Variants in GSK3B observed in about 807,000 individuals in gnomAD.
GSK3B encodes glycogen synthase kinase 3 beta.
Under a neutral mutation model 56.4 loss-of-function variants are expected in GSK3B, and 15 were observed. The observed-to-expected ratio is 0.27, with a 90% CI of 0.18 to 0.41. The LOEUF (loss-of-function observed/expected upper bound fraction) is 0.41, where lower values mean the gene tolerates loss of function less well. Ranked by LOEUF, GSK3B falls within the 10% of genes least tolerant of loss-of-function variation. The probability of loss-of-function intolerance (pLI) is 1.00; values close to 1 mark genes in which losing one functional copy is unlikely to be tolerated. For synonymous variants in GSK3B, 181 were observed against 188.9 expected (o/e 0.96, Z 0.34); for missense variants, 300 against 513.4 (o/e 0.58, Z 4.02).
intron 3 of GSK3B, among the ~76,000 whole-genome samples, chr3:119,944,350 G>A (rs535166047): frequency 6.0e-4 from 91 of 151,986 alleles, no homozygotes; most frequent in Non-Finnish European, 1.1e-3. Context: ...TCACCTAAAC[G>A]TCAAAAGAAA....
At chr3:120,004,199 C>T (rs754220305) in intron 1 of GSK3B, among the ~76,000 whole-genome samples, 1 of 152,128 alleles carries the variant, frequency 6.6e-6, no homozygotes, top group Admixed American at 6.6e-5. Flanking sequence ...GGGGGAGGGG[C>T]GTTTGCCATT....
At chr3:119,890,497 G>A (rs2056489673) in intron 7 of GSK3B, among the ~76,000 whole-genome samples, 1 of 152,086 alleles carries the variant, frequency 6.6e-6, no homozygotes, top group Non-Finnish European at 1.5e-5. Flanking sequence ...AAAGGAGAAT[G>A]AACAGGGTGA....
At chr3:119,929,277 A>T (rs2056920169) in intron 3 of GSK3B, among the ~76,000 whole-genome samples, 1 of 152,206 alleles carries the variant, frequency 6.6e-6, no homozygotes, top group Non-Finnish European at 1.5e-5. Context: ...AAGAATGGTG[A>T]GTCTCAGGTA....
intron 3 of GSK3B, among the ~76,000 whole-genome samples, chr3:119,936,857 G>A (rs2057000374): frequency 6.6e-6 from 1 of 151,826 alleles, no homozygotes; most frequent in Admixed American, 6.6e-5. Context: ...TAAGGAAACA[G>A]ATAACTTGAA....
intron 1 of GSK3B, among the ~76,000 whole-genome samples, chr3:120,081,139 T>TTCAG (rs1184744265): frequency 6.6e-6 from 1 of 152,140 alleles, no homozygotes; most frequent in Admixed American, 6.5e-5. Flanking sequence ...AGTCCTTTCT[T>TTCAG]TCAGTCATCC....
Position 119,826,387 on chromosome 3 carries a change from C to CA in GSK3B, c.*400dup. On this transcript the variant is annotated 3_prime_UTR_variant, in exon 11 of 11. Coordinates refer to ENST00000264235, the MANE Select transcript of GSK3B (RefSeq NM_001146156.2). ...TCTCACACTAGACTTTAAAAGAAAA[C>CA]AAAGTTCAAAAAAACCCATCAGCAC... is the stretch of plus-strand genomic sequence containing the variant. The CA allele has an allele frequency of 2.4e-6, 1 of 414,590 alleles. No individual in the cohort carries two copies. The highest frequency in any genetic ancestry group is 4.5e-6 in the Non-Finnish European group (1 of 223,974). 25.7% of individuals were successfully genotyped at this position (414,590 alleles called of 1,614,324 possible). A position where few individuals can be genotyped will look rare whatever the true frequency, so the allele number is the denominator to read the frequency against.
At chr3:120,045,326 T>C (rs755211102) in intron 1 of GSK3B, among the ~76,000 whole-genome samples, 1 of 152,216 alleles carries the variant, frequency 6.6e-6, no homozygotes, top group Admixed American at 6.5e-5. Flanking sequence ...TTGTCCTCCA[T>C]GCCTCCTTGC....
At position 119,987,687 on chromosome 3, in the gene GSK3B, T is replaced by C. The variant is rs991533966; in HGVS notation, c.282+14359A>G. 3.3e-5 allele frequency among the ~76,000 whole-genome samples: 5 copies of C among 152,308 alleles called. No individual in the cohort carries two copies. The East Asian group carries it at 9.6e-4, about 29-fold the overall frequency. Reference sequence around the variant, plus strand: ...AAAAGTCTATAAAAATCTTACCTTATGGTCAGATATTAAAATTGGATAAAT... The same window carrying C: ...AAAAGTCTATAAAAATCTTACCTTACGGTCAGATATTAAAATTGGATAAAT... On this transcript the variant is annotated intron_variant, in intron 2 of 10. Coordinates refer to ENST00000264235, the MANE Select transcript of GSK3B (RefSeq NM_001146156.2).
chr3:119,938,826 C>T (rs2057020697), intron 3 of GSK3B, among the ~76,000 whole-genome samples: 1 of 151,936 alleles, frequency 6.6e-6, no homozygotes, highest in Non-Finnish European at 1.5e-5. Context: ...TGGGCTGAGC[C>T]TATTTTAGCT....
At chr3:119,859,642 T>C (rs985452441) in intron 9 of GSK3B, among the ~76,000 whole-genome samples, 8 of 152,286 alleles carry the variant, frequency 5.3e-5, no homozygotes, top group Non-Finnish European at 7.3e-5. Context: ...TTTCTAACCC[T>C]TTCCTTATTT....
At chr3:119,936,383 G>A (rs1200976232) in intron 3 of GSK3B, among the ~76,000 whole-genome samples, 2 of 146,890 alleles carry the variant, frequency 1.4e-5, no homozygotes, top group South Asian at 2.1e-4. Flanking sequence ...GTCTCGCTCT[G>A]TCACCCAGGC....
chr3:120,005,468 A>C (rs548773785), intron 1 of GSK3B, among the ~76,000 whole-genome samples: 1 of 151,230 alleles, frequency 6.6e-6, no homozygotes, highest in South Asian at 2.1e-4. Context: ...CCCAAGACAC[A>C]TAATTGTCAG....
intron 7 of GSK3B, among the ~76,000 whole-genome samples, chr3:119,883,139 T>C (rs892842143): frequency 4.6e-5 from 7 of 152,208 alleles, no homozygotes; most frequent in African/African-American, 1.7e-4. Context: ...CCACGTTTAA[T>C]TCAACTACTA....
intron 1 of GSK3B, among the ~76,000 whole-genome samples, chr3:120,031,129 G>A (rs1469330925): frequency 2.0e-5 from 3 of 152,168 alleles, no homozygotes; most frequent in Non-Finnish European, 1.5e-5. Context: ...GGACCAAAGT[G>A]CTAAGTATTT....
intron 2 of GSK3B, among the ~76,000 whole-genome samples, chr3:119,953,772 G>A (rs1018541356): frequency 2.0e-5 from 3 of 152,048 alleles, no homozygotes; most frequent in Admixed American, 6.6e-5. Flanking sequence ...GGAATGTGCT[G>A]ACTCTCTCTC....
intron 1 of GSK3B, among the ~76,000 whole-genome samples, chr3:120,005,498 A>T (rs2057718909): frequency 6.6e-6 from 1 of 152,178 alleles, no homozygotes; most frequent in Admixed American, 6.5e-5. Context: ...GGTTTAAATG[A>T]AGGAAAAAAT....
At chr3:119,947,181 A>C in intron 3 of GSK3B, 87 bp downstream of exon 3, 1 of 815,126 alleles carries the variant, frequency 1.2e-6, no homozygotes, top group Middle Eastern at 2.3e-4. Context: ...CCATTAGCAA[A>C]ACTGTCTATG....
At chr3:119,888,880 G>C (rs529268918) in intron 7 of GSK3B, among the ~76,000 whole-genome samples, 1 of 151,974 alleles carries the variant, frequency 6.6e-6, no homozygotes, top group Non-Finnish European at 1.5e-5. Context: ...ACTGAAATCC[G>C]CCCTGGTCTC....
intron 7 of GSK3B, among the ~76,000 whole-genome samples, chr3:119,881,638 G>A (rs1249997558): frequency 3.9e-5 from 6 of 152,252 alleles, no homozygotes; most frequent in South Asian, 2.1e-4. Context: ...CATTTACTGT[G>A]TGAACAGAAA....
Sources: allele counts gnomAD v4.1 joint callset (sites outside exome capture counted in the v4.1 genomes callset), GRCh38; gene constraint gnomAD v4.1.1; transcripts MANE v1.5; gene names NCBI Gene and HGNC (gene_info 2026-07-23, HGNC 2026-07-21).